The following CRTC1 variants were observed in gnomAD, a reference collection of about 807,000 sequenced individuals.
The protein encoded by CRTC1 is CREB regulated transcription coactivator 1.
Under a neutral mutation model 66.1 loss-of-function variants are expected in CRTC1, and 18 were observed. The observed-to-expected ratio is 0.27, with a 90% CI of 0.19 to 0.40. CRTC1 has a LOEUF of 0.40. Ranked by LOEUF, CRTC1 falls within the 10% of genes least tolerant of loss-of-function variation. The pLI is 1.00. For synonymous variants in CRTC1, 416 were observed against 398.8 expected (o/e 1.04, Z -0.51); for missense variants, 669 against 887.9 (o/e 0.75, Z 3.13).
In CRTC1 at chr19:18,768,893, G is replaced by T; in HGVS notation, c.1320+100G>T. 4.9e-6 allele frequency: 7 copies of T among 1,421,596 alleles called. No individual in the cohort carries two copies. The highest frequency in any genetic ancestry group is 6.5e-6 in the Non-Finnish European group (7 of 1,073,904). The allele number at this position is 1,421,596 out of a possible 1,614,324, so 88.1% of individuals were successfully genotyped here. ...CGGGTTACCTGCTGCATGGGCCAGG[G>T]GTCAGAACCCCAGCGAACGCTGCCT... On this transcript the variant is annotated intron_variant, in intron 10 of 13. Coordinates refer to ENST00000321949, the MANE Select transcript of CRTC1 (RefSeq NM_015321.3). This position sits in a 1 kb window ranked among gnomAD's most constrained non-coding sequence, Gnocchi z 5.6.
At chr19:18,693,530 A>G (rs947990828) in intron 1 of CRTC1, among the ~76,000 whole-genome samples, 4 of 135,304 alleles carry the variant, frequency 3.0e-5, no homozygotes, top group Admixed American at 8.1e-5. Flanking sequence ...CGCCCAGGCT[A>G]GAGTGCAGCG....
chr19:18,746,021 C>A (rs1223003512), intron 3 of CRTC1, 61 bp downstream of exon 3: 2 of 1,544,558 alleles, frequency 1.3e-6, no homozygotes, highest in South Asian at 1.2e-5. Context: ...GGCAGGACCC[C>A]AAGTTTACCC....
intron 3 of CRTC1, 84 bp downstream of exon 3, chr19:18,746,044 C>T: frequency 2.0e-6 from 3 of 1,502,046 alleles, no homozygotes; most frequent in Non-Finnish European, 1.8e-6. Flanking sequence ...CAGGTTCTGA[C>T]AGGGCTGCCT....
intron 6 of CRTC1, among the ~76,000 whole-genome samples, chr19:18,758,372 A>G (rs1204379847): frequency 6.0e-5 from 9 of 151,084 alleles, no homozygotes; most frequent in Non-Finnish European, 1.2e-4. Context: ...AAAAAAAAAA[A>G]AAAGAAAGAA....
chr19:18,743,312 C>T (rs991097400), intron 2 of CRTC1, among the ~76,000 whole-genome samples: 9 of 152,376 alleles, frequency 5.9e-5, no homozygotes, highest in East Asian at 3.9e-4. Context: ...CAGCGGGAAC[C>T]GCTCGGGGCC....
intron 1 of CRTC1, among the ~76,000 whole-genome samples, chr19:18,695,314 C>A (rs186768950): frequency 6.6e-4 from 101 of 152,094 alleles, no homozygotes; most frequent in Middle Eastern, 3.4e-3. Context: ...CTGGGGATTT[C>A]TTTTTTTAAA....
At chr19:18,684,901 G>A (rs1055582417) in intron 1 of CRTC1, among the ~76,000 whole-genome samples, 2 of 152,018 alleles carry the variant, frequency 1.3e-5, no homozygotes, top group African/African-American at 2.4e-5. Context: ...AGGCATTCTA[G>A]CAAGACCTTC....
At chr19:18,716,002 G>A (rs1047763735) in intron 1 of CRTC1, among the ~76,000 whole-genome samples, 1 of 152,190 alleles carries the variant, frequency 6.6e-6, no homozygotes, top group Non-Finnish European at 1.5e-5. Flanking sequence ...TTGGCGGGGG[G>A]GGTGTCGCCA....
At chr19:18,712,280 A>G (rs1386208611) in intron 1 of CRTC1, among the ~76,000 whole-genome samples, 1 of 148,588 alleles carries the variant, frequency 6.7e-6, no homozygotes, top group Non-Finnish European at 1.5e-5. Context: ...TGTTTTTGAG[A>G]CAGGAGCTCA....
chr19:18,740,172 G>A (rs931592274), intron 1 of CRTC1, among the ~76,000 whole-genome samples: 39 of 151,918 alleles, frequency 2.6e-4, no homozygotes, highest in African/African-American at 9.2e-4. Flanking sequence ...AGAATCGCTT[G>A]AACCCTGGAA....
At chr19:18,737,073 C>T (rs1157076854) in intron 1 of CRTC1, among the ~76,000 whole-genome samples, 1 of 152,170 alleles carries the variant, frequency 6.6e-6, no homozygotes, top group Non-Finnish European at 1.5e-5. Context: ...GGGGCTCCTG[C>T]TCCATCCAGC....
intron 1 of CRTC1, among the ~76,000 whole-genome samples, chr19:18,723,011 G>C (rs2053662698): frequency 6.6e-6 from 1 of 152,062 alleles, no homozygotes; most frequent in African/African-American, 2.4e-5. Context: ...TGCAATCTCG[G>C]CTCACTACAT....
chr19:18,767,218 A>C lies in CRTC1; in HGVS notation c.1012-1267A>C, dbSNP rs532826915. On this transcript the variant is annotated intron_variant, in intron 9 of 13. Transcript: ENST00000321949. ...TAATTTTAATTTAATTTTTTTTTTGAGACAGAGTCTCACTCTGTCGCCCAG... is the reference window on the plus strand; with the variant it reads ...TAATTTTAATTTAATTTTTTTTTTGCGACAGAGTCTCACTCTGTCGCCCAG... Among the ~76,000 whole-genome samples, 170 of 151,404 alleles carry C rather than the reference A, an allele frequency of 1.1e-3. 2 individuals carry two copies. The highest frequency in any genetic ancestry group is 3.4e-3 in the Middle Eastern group (1 of 294).
At chr19:18,732,138 G>A (rs555167432) in intron 1 of CRTC1, among the ~76,000 whole-genome samples, 2 of 152,236 alleles carry the variant, frequency 1.3e-5, no homozygotes, top group South Asian at 2.1e-4. Flanking sequence ...ACAGGCAGGC[G>A]GCTTATTTGT....
chr19:18,710,851 A>G (rs186274869), intron 1 of CRTC1, among the ~76,000 whole-genome samples: 24 of 152,236 alleles, frequency 1.6e-4, no homozygotes, highest in Admixed American at 2.6e-4. Context: ...TCCTGACCTC[A>G]AGCGATCCAC....
intron 9 of CRTC1, 141 bp downstream of exon 9, chr19:18,765,669 C>G (rs1214998365): frequency 2.4e-6 from 2 of 849,578 alleles, no homozygotes; most frequent in African/African-American, 1.7e-5. Context: ...TTTTTATTAT[C>G]AAATTTTCAA....
intron 6 of CRTC1, among the ~76,000 whole-genome samples, chr19:18,758,123 G>GA (rs1390969266): frequency 3.3e-5 from 5 of 149,378 alleles, no homozygotes; most frequent in Admixed American, 2.7e-4. Flanking sequence ...AGCACTTTGG[G>GA]GGCCGAGGTG....
chr19:18,731,930 G>A (rs111671267), intron 1 of CRTC1, among the ~76,000 whole-genome samples: 2,670 of 152,300 alleles, frequency 0.018, 91 homozygotes, highest in African/African-American at 0.061. Flanking sequence ...CTGCACCCCG[G>A]GGGCTCCTGC....
chr19:18,744,946 C>T (rs1459840409), intron 2 of CRTC1, among the ~76,000 whole-genome samples: 1 of 152,178 alleles, frequency 6.6e-6, no homozygotes, highest in Non-Finnish European at 1.5e-5. Flanking sequence ...TCTCATTTTG[C>T]CCGGCTGCCC....
Sources: gnomAD v4.1 joint callset for allele counts (sites outside exome capture counted in the v4.1 genomes callset) on GRCh38, gnomAD v4.1.1 for gene constraint, Gnocchi (gnomAD v3.1) non-coding constraint, MANE v1.5 for transcripts, NCBI Gene and HGNC (gene_info 2026-07-23, HGNC 2026-07-21) for gene names.